The following FLT3LG variants were observed in gnomAD, a reference collection of about 807,000 sequenced individuals.
The protein encoded by FLT3LG is fms-related tyrosine kinase 3 ligand.
Under a neutral mutation model 30.9 loss-of-function variants are expected in FLT3LG, and 8 were observed. That is an observed-to-expected ratio of 0.26 (90% CI 0.15 to 0.47). The LOEUF (loss-of-function observed/expected upper bound fraction) is 0.47, where lower values mean the gene tolerates loss of function less well. Among genes scored for constraint, FLT3LG ranks in the 20% least tolerant of loss-of-function variants. FLT3LG has a pLI of 0.99. For missense variants in FLT3LG, 278 were observed against 306.2 expected (o/e 0.91, Z 0.69); for synonymous variants, 123 against 135.9 (o/e 0.91, Z 0.66).
chr19:49,483,562 A>C (rs2079687161), intron 8 of FLT3LG, among the ~76,000 whole-genome samples: 1 of 152,022 alleles, frequency 6.6e-6, no homozygotes, highest in Non-Finnish European at 1.5e-5. Flanking sequence ...TCTCTACAAA[A>C]AATTTTAAAA....
chr19:49,477,554 C>T (rs1208876023), intron 5 of FLT3LG, among the ~76,000 whole-genome samples: 6 of 150,812 alleles, frequency 4.0e-5, no homozygotes, highest in African/African-American at 9.8e-5. Context: ...GCCTCGGCAA[C>T]GTGATGAAAA....
intron 5 of FLT3LG, among the ~76,000 whole-genome samples, chr19:49,477,747 A>C (rs986697014): frequency 4.6e-5 from 7 of 151,244 alleles, no homozygotes; most frequent in African/African-American, 1.7e-4. Context: ...ATCTCCAAAA[A>C]AATAAAAATA....
chr19:49,479,758 G>T, intron 6 of FLT3LG: 1 of 157,912 alleles, frequency 6.3e-6, no homozygotes, highest in Non-Finnish European at 1.4e-5. Context: ...TGCCCGCCTC[G>T]GCCTCCCAAA....
intron 8 of FLT3LG, among the ~76,000 whole-genome samples, chr19:49,483,934 G>T (rs2079703881): frequency 6.7e-6 from 1 of 150,180 alleles, no homozygotes; most frequent in Non-Finnish European, 1.5e-5. Context: ...GCCCAGGGTG[G>T]AGTGCAGTGG....
In FLT3LG at chr19:49,480,317, C is replaced by T. The variant is rs1444605267; in HGVS notation, c.501C>T (p.Pro167=). 2 of 1,605,526 alleles carry T rather than the reference C, an allele frequency of 1.2e-6. No individual in the cohort carries two copies. Among genetic ancestry groups the T allele is most frequent in the African/African-American group, 2.7e-5 (2 of 74,728 alleles). The change falls in exon 7 of 9, where the codon CCC becomes CCT. Residue 167 remains proline (P), a synonymous_variant. Transcript: ENST00000597551. ...QCQPDSSTLP[P]PWSPRPLEAT... ...CCCCAGACTCCTCAACCCTGCCACC[C>T]CCATGGAGTCCCCGGCCCCTGGAGG...
At position 49,476,291 on chromosome 19, in the gene FLT3LG, C is replaced by T. The variant is rs1179165530; in HGVS notation, c.198+93C>T. 30 of 1,448,704 alleles carry T rather than the reference C, an allele frequency of 2.1e-5. No individual in the cohort carries two copies. The highest frequency in any genetic ancestry group is 2.8e-5 in the Non-Finnish European group (29 of 1,037,530). The allele number at this position is 1,448,704 out of a possible 1,614,324, so 89.7% of individuals were successfully genotyped here. A position where few individuals can be genotyped will look rare whatever the true frequency, so the allele number is the denominator to read the frequency against. ...GAGTGGATAACCAGGCCCTCCCCTC[C>T]CCAAACCCAGGAATCAGAGTCCTCA... On this transcript the variant is annotated intron_variant, in intron 4 of 8. Coordinates refer to ENST00000597551, the MANE Select transcript of FLT3LG (RefSeq NM_001459.4). The surrounding 1 kb of genome is among the most constrained non-coding windows in gnomAD (Gnocchi z 5.3).
chr19:49,480,760 G>A lies in FLT3LG; in HGVS notation c.*21+140G>A, dbSNP rs546180409. On this transcript the variant is annotated intron_variant, in intron 8 of 8. Coordinates refer to ENST00000597551, the MANE Select transcript of FLT3LG (RefSeq NM_001459.4). The stretch of plus-strand genomic sequence containing the variant: ...GAAAGACCCCTCTGGGGCCAGGCGC[G>A]GTGGCTCACGCCTGTAATCCCAGCA... 5.6e-5 allele frequency: 47 copies of A among 842,350 alleles called. No individual in the cohort carries two copies. The South Asian group carries it at 6.8e-4, about 12-fold the overall frequency. 52.2% of individuals were successfully genotyped at this position (842,350 alleles called of 1,614,324 possible). A position where few individuals can be genotyped will look rare whatever the true frequency, so the allele number is the denominator to read the frequency against.
intron 8 of FLT3LG, chr19:49,482,160 C>T (rs1234979177): frequency 1.3e-5 from 2 of 150,354 alleles, no homozygotes; most frequent in African/African-American, 4.9e-5. Context: ...GAGTCTTGCT[C>T]TGTCGCCCAG....
At chr19:49,479,068 C>T (rs1219337781) in intron 6 of FLT3LG, 21 bp downstream of exon 6, 5 of 1,595,450 alleles carry the variant, frequency 3.1e-6, no homozygotes, top group Non-Finnish European at 4.3e-6. Context: ...CCAGGCACCC[C>T]CACTCCTTCC....
At chr19:49,485,560 T>A (rs1326003322) in intron 8 of FLT3LG, among the ~76,000 whole-genome samples, 1 of 152,194 alleles carries the variant, frequency 6.6e-6, no homozygotes, top group African/African-American at 2.4e-5. Flanking sequence ...AATTTTGTAG[T>A]TTTAGTAGAA....
intron 2 of FLT3LG, 61 bp downstream of exon 2, chr19:49,474,733 G>C: frequency 1.3e-6 from 2 of 1,525,888 alleles, no homozygotes; most frequent in Non-Finnish European, 1.8e-6. Context: ...GGATGGGGCA[G>C]AGATGAGGGG....
rs764329164 is a variant in FLT3LG, at chr19:49,480,275, C to T, written c.482-23C>T. The T allele has an allele frequency of 3.2e-6, 5 of 1,543,328 alleles. No individual in the cohort carries two copies. The African/African-American group carries it at 6.8e-5, about 21-fold the overall frequency. On this transcript the variant is annotated intron_variant, in intron 6 of 8. Transcript: ENST00000597551. ...TTACCCCAGCCCTTCTCCTTGGTCA[C>T]CCAGCCTCCTCTTTCTCCCCAGACT... is the stretch of plus-strand genomic sequence containing the variant.
chr19:49,479,030 A>T lies in FLT3LG; in HGVS notation c.464A>T (p.Glu155Val). 1.9e-6 allele frequency: 3 copies of T among 1,608,492 alleles called. No homozygotes were observed. The highest frequency in any genetic ancestry group is 2.5e-6 in the Non-Finnish European group (3 of 1,177,570). Reference sequence around the variant, plus strand: ...CGCCAGAACTTCTCCCGGTGCCTGGAGCTGCAGTGTCAGCCCGGTAAAGGC... The same window carrying T: ...CGCCAGAACTTCTCCCGGTGCCTGGTGCTGCAGTGTCAGCCCGGTAAAGGC... ...ITRQNFSRCL[E>V]LQCQPDSSTL... Residue 155 changes from glutamate to valine, a missense_variant, in exon 6 of 9, where the codon GAG becomes GTG. This residue lies in a region of FLT3LG where 170 missense variants were observed against 162.0 expected (regional missense o/e 1.05). Transcript: ENST00000597551.
chr19:49,482,972 T>C (rs986151875), intron 8 of FLT3LG, among the ~76,000 whole-genome samples: 1 of 152,144 alleles, frequency 6.6e-6, no homozygotes, highest in African/African-American at 2.4e-5. Flanking sequence ...CTTTATTTTA[T>C]GCAGTATATC....
chr19:49,480,507 G>C, intron 7 of FLT3LG, 31 bp downstream of exon 7: 1 of 1,602,296 alleles, frequency 6.2e-7, no homozygotes, highest in Non-Finnish European at 8.5e-7. Context: ...GGGTGAGGGG[G>C]CCGAGAGGGT....
Position 49,476,755 on chromosome 19 carries a change from A to C in FLT3LG, c.342+189A>C. 4.3e-6 allele frequency: 3 copies of C among 702,358 alleles called. No individual in the cohort carries two copies. The highest frequency in any genetic ancestry group is 6.8e-6 in the Non-Finnish European group (3 of 439,664). The allele number at this position is 702,358 out of a possible 1,614,324, so 43.5% of individuals were successfully genotyped here. On this transcript the variant is annotated intron_variant, in intron 5 of 8. Transcript: ENST00000597551. The surrounding 1 kb of genome is among the most constrained non-coding windows in gnomAD (Gnocchi z 5.3). ...TCCCCAGGCACCGGTGATGGGGAGCAGTCTGGTCCCATTCTGGGGCCCCGG... is the reference window on the plus strand; with the variant it reads ...TCCCCAGGCACCGGTGATGGGGAGCCGTCTGGTCCCATTCTGGGGCCCCGG...
rs991605916 is a variant in FLT3LG, at chr19:49,476,825, C to CA, written c.342+268dup. The CA allele has an allele frequency of 6.7e-3, 2,688 of 400,534 alleles. No individual in the cohort carries two copies. Among genetic ancestry groups the CA allele is most frequent in the East Asian group, 0.012 (220 of 18,758 alleles). The allele number at this position is 400,534 out of a possible 1,614,324, so 24.8% of individuals were successfully genotyped here. The stretch of plus-strand genomic sequence containing the variant: ...GGGTGCCACTGAGGGGTTCTTCCCC[C>CA]AAAAAAAAACAGGGAGAGAAGGGGT... On this transcript the variant is annotated intron_variant, in intron 5 of 8. Transcript: ENST00000597551. This position sits in a 1 kb window ranked among gnomAD's most constrained non-coding sequence, Gnocchi z 5.3.
At chr19:49,474,508 T>G in intron 1 of FLT3LG, 95 bp from the exon 2 acceptor site, 1 of 824,910 alleles carries the variant, frequency 1.2e-6, no homozygotes. Flanking sequence ...CTCAGCCACA[T>G]CAATGGGACG....
chr19:49,478,854 C>T (rs2122518902), intron 5 of FLT3LG, 55 bp from the exon 6 acceptor site: 3 of 1,437,952 alleles, frequency 2.1e-6, no homozygotes, highest in South Asian at 1.5e-5. Flanking sequence ...CTTTGGCCTG[C>T]GGAGGGGCGG....
Sources: allele counts gnomAD v4.1 joint callset (sites outside exome capture counted in the v4.1 genomes callset), GRCh38; gene constraint gnomAD v4.1.1; regional missense constraint gnomAD v4.1.1; non-coding constraint Gnocchi (gnomAD v3.1); transcripts MANE v1.5; gene names NCBI Gene and HGNC (gene_info 2026-07-23, HGNC 2026-07-21).